Variants in PARD3B observed in about 807,000 individuals in gnomAD.
The protein encoded by PARD3B is partitioning defective 3 homolog B.
Under a neutral mutation model 130.2 loss-of-function variants are expected in PARD3B, and 103 were observed. The observed-to-expected ratio is 0.79, with a 90% CI of 0.67 to 0.93. PARD3B has a LOEUF of 0.93. PARD3B is among the 40% of genes least tolerant of loss of function. PARD3B has a pLI of 0.00. For missense variants in PARD3B, 1,609 were observed against 1,499.2 expected (o/e 1.07, Z -1.21); for synonymous variants, 583 against 553.2 (o/e 1.05, Z -0.76).
intron 10 of PARD3B, among the ~76,000 whole-genome samples, chr2:205,152,936 G>A (rs531843268): frequency 2.6e-5 from 4 of 152,276 alleles, no homozygotes; most frequent in African/African-American, 9.6e-5. Context: ...TACAGATGGG[G>A]TTTTGGTGTG....
intron 21 of PARD3B, among the ~76,000 whole-genome samples, chr2:205,504,495 C>T (rs2050274776): frequency 6.6e-6 from 1 of 152,186 alleles, no homozygotes; most frequent in Non-Finnish European, 1.5e-5. Context: ...ATCTACTCAT[C>T]TGACAAAGAG....
In PARD3B at chr2:205,067,095, C is replaced by CTTTTTTTTTTTTTTTTTTTTTTTT. The variant is rs10672449; in HGVS notation, c.504+19411_504+19434dup. ...GCATCTTGCATCCACTTTTACTAGG[C>CTTTTTTTTTTTTTTTTTTTTTTTT]TTTTTTTTTTTTTTTTTTTTTTTTT... On this transcript the variant is annotated intron_variant, in intron 4 of 22. Coordinates refer to ENST00000406610, the MANE Select transcript of PARD3B (RefSeq NM_001302769.2). 2.2e-4 allele frequency among the ~76,000 whole-genome samples: 13 copies of CTTTTTTTTTTTTTTTTTTTTTTTT among 59,710 alleles called. 2 individuals are homozygous for CTTTTTTTTTTTTTTTTTTTTTTTT. The highest frequency in any genetic ancestry group is 5.3e-4 in the Admixed American group (3 of 5,630). 39.2% of individuals were successfully genotyped at this position (59,710 alleles called of 152,430 possible).
At chr2:204,685,719 C>A (rs1315067906) in intron 1 of PARD3B, among the ~76,000 whole-genome samples, 1 of 152,122 alleles carries the variant, frequency 6.6e-6, no homozygotes, top group Non-Finnish European at 1.5e-5. Flanking sequence ...TTGGTGGCTA[C>A]CCATTCCATT....
At chr2:205,111,733 G>A (rs1353173805) in intron 5 of PARD3B, among the ~76,000 whole-genome samples, 1 of 152,008 alleles carries the variant, frequency 6.6e-6, no homozygotes, top group African/African-American at 2.4e-5. Context: ...CATTTAATAG[G>A]AAAGATTTGT....
chr2:204,609,356 G>C (rs1359180807), intron 1 of PARD3B, among the ~76,000 whole-genome samples: 1 of 152,168 alleles, frequency 6.6e-6, no homozygotes, highest in African/African-American at 2.4e-5. Context: ...GGCTTATTCT[G>C]AGCCAATATG....
At position 204,623,584 on chromosome 2, in the gene PARD3B, T is replaced by C. The variant is rs2034379609; in HGVS notation, c.121-62597T>C. Among the ~76,000 whole-genome samples the C allele has an allele frequency of 6.6e-6, 1 of 152,184 alleles. No individual in the cohort carries two copies. Among genetic ancestry groups the C allele is most frequent in the Admixed American group, 6.6e-5 (1 of 15,260 alleles). ...CTTTTTTTTTCTACTTGGCATAATGTCATTGAGATATATCCAAGTTGTTGC... is the reference window on the plus strand; with the variant it reads ...CTTTTTTTTTCTACTTGGCATAATGCCATTGAGATATATCCAAGTTGTTGC... On this transcript the variant is annotated intron_variant, in intron 1 of 22. Coordinates refer to ENST00000406610, the MANE Select transcript of PARD3B (RefSeq NM_001302769.2). The surrounding 1 kb of genome is among the most constrained non-coding windows in gnomAD (Gnocchi z 4.5).
intron 2 of PARD3B, among the ~76,000 whole-genome samples, chr2:204,743,494 C>T (rs1409963889): frequency 1.3e-5 from 2 of 152,048 alleles, no homozygotes; most frequent in Non-Finnish European, 2.9e-5. Flanking sequence ...GTGGCATTTA[C>T]TGGTAAGGTT....
At chr2:205,413,522 A>G (rs2106061859) in intron 19 of PARD3B, among the ~76,000 whole-genome samples, 1 of 152,352 alleles carries the variant, frequency 6.6e-6, no homozygotes, top group Non-Finnish European at 1.5e-5. Flanking sequence ...CAAGTGAATA[A>G]TTGCTGCAAT....
At position 204,779,965 on chromosome 2, in the gene PARD3B, A is replaced by G. The variant is rs184351823; in HGVS notation, c.222+93683A>G. On this transcript the variant is annotated intron_variant, in intron 2 of 22. Transcript: ENST00000406610. ...CATTTTATATAAAAGGCCCCATTGA[A>G]TGAATTGGGTTGAGCTGTTTTGTGA... Among the ~76,000 whole-genome samples the G allele has an allele frequency of 2.8e-3, 426 of 152,264 alleles. 1 individual carries two copies. The highest frequency in any genetic ancestry group is 9.6e-3 in the African/African-American group (401 of 41,562).
chr2:205,134,860 T>G (rs934015252), intron 10 of PARD3B, among the ~76,000 whole-genome samples: 2 of 151,624 alleles, frequency 1.3e-5, no homozygotes, highest in Non-Finnish European at 2.9e-5. Context: ...GGTGTCAGAA[T>G]GTAAATACTT....
At chr2:204,636,280 T>C (rs1225431084) in intron 1 of PARD3B, among the ~76,000 whole-genome samples, 1 of 152,156 alleles carries the variant, frequency 6.6e-6, no homozygotes, top group Non-Finnish European at 1.5e-5. Flanking sequence ...TAATCTTTCC[T>C]TTGATGGGAC....
intron 2 of PARD3B, among the ~76,000 whole-genome samples, chr2:204,792,286 T>TAAA (rs1226532015): frequency 2.0e-5 from 3 of 152,200 alleles, no homozygotes; most frequent in African/African-American, 7.2e-5. Flanking sequence ...CATATTGTAT[T>TAAA]TCACCTATCA....
At chr2:204,776,047 G>A (rs2041603545) in intron 2 of PARD3B, among the ~76,000 whole-genome samples, 1 of 152,092 alleles carries the variant, frequency 6.6e-6, no homozygotes, top group Non-Finnish European at 1.5e-5. Context: ...GAATTTATGT[G>A]GCTTTGCTAG....
At chr2:204,758,250 T>G (rs2040759576) in intron 2 of PARD3B, among the ~76,000 whole-genome samples, 1 of 152,108 alleles carries the variant, frequency 6.6e-6, no homozygotes, top group Admixed American at 6.6e-5. Context: ...CAGTGCTTGC[T>G]TAAGGTCACT....
chr2:204,891,277 A>T (rs544034211), intron 2 of PARD3B, among the ~76,000 whole-genome samples: 1 of 151,800 alleles, frequency 6.6e-6, no homozygotes, highest in Admixed American at 6.6e-5. Context: ...GCATTACGAT[A>T]CTGTGACAAG....
At chr2:205,135,730 A>G (rs2032425544) in intron 10 of PARD3B, among the ~76,000 whole-genome samples, 1 of 152,166 alleles carries the variant, frequency 6.6e-6, no homozygotes, top group Non-Finnish European at 1.5e-5. Context: ...TGCAGAACAT[A>G]TGACACATAA....
chr2:205,203,184 G>A (rs542481823), intron 15 of PARD3B, among the ~76,000 whole-genome samples: 3 of 152,178 alleles, frequency 2.0e-5, no homozygotes, highest in African/African-American at 4.8e-5. Context: ...ACAAACCCAC[G>A]CAGATTTTTA....
At chr2:205,267,575 G>A (rs1323383501) in intron 16 of PARD3B, among the ~76,000 whole-genome samples, 1 of 152,132 alleles carries the variant, frequency 6.6e-6, no homozygotes, top group African/African-American at 2.4e-5. Flanking sequence ...CCAGGCAGCA[G>A]GGAGAGCAAA....
chr2:204,761,760 T>G (rs16836589), intron 2 of PARD3B, among the ~76,000 whole-genome samples: 4,619 of 152,296 alleles, frequency 0.03, 119 homozygotes, highest in East Asian at 0.16. Flanking sequence ...GAAGAAATTT[T>G]CCTTTATTTT....
Sources: allele counts gnomAD v4.1 joint callset (sites outside exome capture counted in the v4.1 genomes callset), GRCh38; gene constraint gnomAD v4.1.1; non-coding constraint Gnocchi (gnomAD v3.1); transcripts MANE v1.5; gene names NCBI Gene and HGNC (gene_info 2026-07-23, HGNC 2026-07-21).